Variants in MYH13 observed in about 807,000 individuals in gnomAD.
MYH13 encodes myosin-13.
A neutral mutation model predicts 232.1 loss-of-function variants in MYH13; 177 were observed. The ratio of observed to expected loss-of-function variants is 0.76; its 90% CI spans 0.67 to 0.86. MYH13 has a LOEUF of 0.86. Ranked by LOEUF, MYH13 falls within the 40% of genes least tolerant of loss-of-function variation. The pLI, the probability that MYH13 is intolerant of heterozygous loss-of-function variation, is 0.00. For synonymous variants in MYH13, 884 were observed against 923.5 expected (o/e 0.96, Z 0.78); for missense variants, 2,246 against 2,405.9 (o/e 0.93, Z 1.39).
chr17:10,345,244 G>A lies in MYH13; in HGVS notation c.1542C>T (p.Asp514=), dbSNP rs778068629. The change falls in exon 15 of 41, where the codon GAC becomes GAT. Residue 514 remains aspartate, a synonymous_variant. Coordinates refer to ENST00000252172, the MANE Select transcript of MYH13 (RefSeq NM_003802.3). ...KKEGIEWEFI[D]FGMDLAACIE... ...TGCAGGCAGCCAGGTCCATTCCGAA[G>A]TCAATGAACTCCCACTCGATGCCTT... is the stretch of plus-strand genomic sequence containing the variant. 3 of 1,614,164 alleles carry A rather than the reference G, an allele frequency of 1.9e-6. No individual in the cohort carries two copies. The South Asian group carries it at 3.3e-5, about 18-fold the overall frequency.
intron 21 of MYH13, among the ~76,000 whole-genome samples, chr17:10,329,030 C>G (rs370667857): frequency 2.0e-5 from 3 of 152,246 alleles, no homozygotes; most frequent in East Asian, 3.9e-4. Flanking sequence ...CACATGATCT[C>G]CTCCCCTTCA....
At chr17:10,362,698 T>C (rs976488004) in intron 3 of MYH13, among the ~76,000 whole-genome samples, 195 bp from the exon 4 acceptor site, 3 of 152,206 alleles carry the variant, frequency 2.0e-5, no homozygotes, top group Non-Finnish European at 4.4e-5. Flanking sequence ...GGTCAAACTA[T>C]GTAACCAATT....
chr17:10,359,933 C>A (rs772526274), intron 7 of MYH13, 27 bp downstream of exon 7: 1 of 1,577,242 alleles, frequency 6.3e-7, no homozygotes, highest in South Asian at 1.1e-5. Context: ...TTCCAGTAAG[C>A]CTCCGGATGC....
intron 18 of MYH13, among the ~76,000 whole-genome samples, chr17:10,338,858 G>A (rs536774622): frequency 6.0e-4 from 91 of 152,020 alleles, no homozygotes; most frequent in African/African-American, 1.7e-3. Context: ...CCGCCACCAC[G>A]CCCAGCTAAT....
chr17:10,330,274 C>T lies in MYH13; in HGVS notation c.2435+113G>A, dbSNP rs187370863. 20 of 1,448,106 alleles carry T rather than the reference C, an allele frequency of 1.4e-5. No homozygotes were observed. In the East Asian group the frequency reaches 4.2e-4, roughly 30 times the overall value. 89.7% of individuals were successfully genotyped at this position (1,448,106 alleles called of 1,614,324 possible). ...TGCCGCTCAGTAGATGTGGGTTAAA[C>T]AAATGAAGGAAAGAGAGCAAGCACA... On this transcript the variant is annotated intron_variant, in intron 21 of 40. Coordinates refer to ENST00000252172, the MANE Select transcript of MYH13 (RefSeq NM_003802.3).
chr17:10,310,338 C>T (rs965160414), intron 33 of MYH13, among the ~76,000 whole-genome samples: 77 of 152,210 alleles, frequency 5.1e-4, no homozygotes, highest in African/African-American at 1.9e-3. Context: ...GGTGATCTGC[C>T]TGCCTCGGCC....
intron 18 of MYH13, among the ~76,000 whole-genome samples, chr17:10,337,398 G>T (rs1028964909): frequency 1.8e-4 from 27 of 152,110 alleles, no homozygotes; most frequent in African/African-American, 6.5e-4. Context: ...TGCTCCCGAG[G>T]GGCCCTTGTT....
At position 10,362,523 on chromosome 17, in the gene MYH13, G is replaced by T. The variant is rs1239151234; in HGVS notation, c.205-20C>A. ...GAGCATCTGGGTATTGAGAGGAAAA[G>T]CAGGTAATAAATTGGTGAGCCAAGT... On this transcript the variant is annotated intron_variant, in intron 3 of 40. Coordinates refer to ENST00000252172, the MANE Select transcript of MYH13 (RefSeq NM_003802.3). 1.9e-6 allele frequency: 3 copies of T among 1,614,040 alleles called. No homozygotes were observed. The Admixed American group carries it at 5.0e-5, about 27-fold the overall frequency.
intron 18 of MYH13, among the ~76,000 whole-genome samples, chr17:10,339,670 G>A (rs2071606205): frequency 6.6e-6 from 1 of 152,168 alleles, no homozygotes; most frequent in Admixed American, 6.5e-5. Context: ...TGATTTCGTA[G>A]TAGGGGTGCC....
chr17:10,309,291 C>T lies in MYH13; in HGVS notation c.5112G>A (p.Arg1704=). 6.2e-7 allele frequency: 1 copy of T among 1,613,934 alleles called. No homozygotes were observed. Among genetic ancestry groups the T allele is most frequent in the Non-Finnish European group, 8.5e-7 (1 of 1,179,858 alleles). The change falls in exon 35 of 41, where the codon AGG becomes AGA. Residue 1704 remains arginine, a synonymous_variant. Coordinates refer to ENST00000252172, the MANE Select transcript of MYH13 (RefSeq NM_003802.3). ...CGTCCAGCAGCTCCTGCTCTGACAG[C>T]CTGCGGGTCCGCTCCGTCTGTTCCA... ...VALEQTERTR[R]LSEQELLDAS...
intron 3 of MYH13, among the ~76,000 whole-genome samples, chr17:10,363,581 G>GA (rs1354501650): frequency 6.6e-6 from 1 of 152,116 alleles, no homozygotes; most frequent in Non-Finnish European, 1.5e-5. Context: ...GAATCTTTAA[G>GA]GACTGGGACT....
In MYH13 at chr17:10,320,096, AG is replaced by A. The variant is rs367889298; in HGVS notation, c.3348+56del. 380 of 1,323,604 alleles carry A rather than the reference AG, an allele frequency of 2.9e-4. 1 individual carries two copies. In the African/African-American group the frequency reaches 4.6e-3, roughly 16 times the overall value. The allele number at this position is 1,323,604 out of a possible 1,614,324, so 82.0% of individuals were successfully genotyped here. The stretch of plus-strand genomic sequence containing the variant: ...CTAAAGAAACAAGGGGGAAGGAGTG[AG>A]GAGGGGCGCTCTTGCAAAGGGATTG... On this transcript the variant is annotated intron_variant, in intron 26 of 40. Coordinates refer to ENST00000252172, the MANE Select transcript of MYH13 (RefSeq NM_003802.3).
At position 10,319,039 on chromosome 17, in the gene MYH13, G is replaced by C; in HGVS notation, c.3489C>G (p.Ala1163=). The C allele has an allele frequency of 6.2e-7, 1 of 1,614,048 alleles. No homozygotes were observed. The highest frequency in any genetic ancestry group is 1.6e-4 in the Middle Eastern group (1 of 6,062). The change falls in exon 27 of 41, where the codon GCC becomes GCG. Residue 1163 remains alanine, a synonymous_variant. Transcript: ENST00000252172. The stretch of plus-strand genomic sequence containing the variant: ...CCCTCTTCTTGTTCATCTCAATCTG[G>C]GCTGAAGTGGCCCCACTGGCTTCTT... ...RLEEASGATS[A]QIEMNKKREA...
At chr17:10,359,904 A>G in intron 7 of MYH13, 56 bp downstream of exon 7, 2 of 1,500,306 alleles carry the variant, frequency 1.3e-6, no homozygotes, top group Non-Finnish European at 1.9e-6. Flanking sequence ...GTGCTCATCC[A>G]CGCTTTAAAG....
At chr17:10,357,679 ATTTCAGGAGAGGGTATGCT>A (rs2071759114) in intron 8 of MYH13, 37 bp downstream of exon 8, 1 of 1,525,358 alleles carries the variant, frequency 6.6e-7, no homozygotes, top group Admixed American at 1.8e-5. Context: ...CATATCCAGC[ATTTCAGGAGAGGGTATGCT>A]TTTGGGAGGA....
intron 1 of MYH13, among the ~76,000 whole-genome samples, 196 bp downstream of exon 1, chr17:10,372,782 AC>A (rs2071886751): frequency 1.3e-5 from 2 of 152,138 alleles, no homozygotes; most frequent in East Asian, 3.9e-4. Context: ...TTGTCTTTTC[AC>A]CCCTTGTAAA....
intron 21 of MYH13, among the ~76,000 whole-genome samples, 156 bp downstream of exon 21, chr17:10,330,231 G>A (rs999619253): frequency 6.6e-6 from 1 of 152,116 alleles, no homozygotes; most frequent in African/African-American, 2.4e-5. Flanking sequence ...GCGCCATGCA[G>A]AGCACCCAGC....
chr17:10,312,783 C>T, intron 30 of MYH13, 26 bp from the exon 31 acceptor site: 2 of 1,595,074 alleles, frequency 1.3e-6, no homozygotes, highest in Non-Finnish European at 1.7e-6. Flanking sequence ...TTTTTTTTTC[C>T]CCTTCGCAAA....
In MYH13 at chr17:10,318,907, A is replaced by G. The variant is rs766961318; in HGVS notation, c.3621T>C (p.Leu1207=). The stretch of plus-strand genomic sequence containing the variant: ...GCTGCAGGTTGTCAATCTGCTCCCC[A>G]AGCTCGGCCACACTATCTGCTTGCT... ...RKKQADSVAE[L]GEQIDNLQRV... The change falls in exon 27 of 41, where the codon CTT becomes CTC. Residue 1207 remains leucine (L), a synonymous_variant. Transcript: ENST00000252172. 1.9e-6 allele frequency: 3 copies of G among 1,614,006 alleles called. No homozygotes were observed. The highest frequency in any genetic ancestry group is 2.5e-6 in the Non-Finnish European group (3 of 1,179,986).
Sources: allele counts gnomAD v4.1 joint callset (sites outside exome capture counted in the v4.1 genomes callset), GRCh38; gene constraint gnomAD v4.1.1; transcripts MANE v1.5; gene names NCBI Gene and HGNC (gene_info 2026-07-23, HGNC 2026-07-21).